Variants in ITGB6 observed in about 807,000 individuals in gnomAD.
ITGB6 encodes the protein integrin subunit beta 6, also known as integrin beta-6.
ITGB6 carries 80 observed loss-of-function variants against 84.5 expected under a neutral mutation model. That is an observed-to-expected ratio of 0.95 (90% CI 0.79 to 1.14). The LOEUF is 1.14. Among genes scored for constraint, ITGB6 ranks in the 50% most tolerant of loss-of-function variants. The probability of loss-of-function intolerance (pLI) is 0.00; values close to 1 mark genes in which losing one functional copy is unlikely to be tolerated. For missense variants in ITGB6, 1,006 were observed against 968.0 expected (o/e 1.04, Z -0.52); for synonymous variants, 383 against 354.9 (o/e 1.08, Z -0.89).
At chr2:160,120,767 T>C (rs1159342486) in intron 12 of ITGB6, among the ~76,000 whole-genome samples, 1 of 139,564 alleles carries the variant, frequency 7.2e-6, no homozygotes, top group East Asian at 2.1e-4. Context: ...TGTAGGGACA[T>C]GGATGAAACT....
intron 14 of ITGB6, 90 bp downstream of exon 14, chr2:160,107,589 C>T (rs6724949): frequency 2.6e-6 from 3 of 1,172,266 alleles, no homozygotes; most frequent in African/African-American, 3.1e-5. Context: ...GACATTTGAA[C>T]TCCCAGAGCA....
intron 10 of ITGB6, among the ~76,000 whole-genome samples, chr2:160,136,555 A>C (rs1291681246): frequency 6.6e-6 from 1 of 152,262 alleles, no homozygotes; most frequent in Non-Finnish European, 1.5e-5. Context: ...TACTGGGTAT[A>C]TACCCAAAGG....
intron 12 of ITGB6, among the ~76,000 whole-genome samples, chr2:160,121,535 A>T (rs2105794949): frequency 6.6e-6 from 1 of 152,304 alleles, no homozygotes; most frequent in African/African-American, 2.4e-5. Flanking sequence ...CTGTAATCCC[A>T]GCAATTTGGG....
intron 4 of ITGB6, among the ~76,000 whole-genome samples, chr2:160,182,760 C>A (rs149396134): frequency 6.6e-6 from 1 of 152,136 alleles, no homozygotes; most frequent in African/African-American, 2.4e-5. Context: ...GGGTTACCCA[C>A]GAAGAGAAGC....
chr2:160,182,426 T>G (rs1463931783), intron 4 of ITGB6, among the ~76,000 whole-genome samples: 1 of 152,070 alleles, frequency 6.6e-6, no homozygotes, highest in African/African-American at 2.4e-5. Context: ...AAATAAAGCA[T>G]GAAGACAAGA....
At chr2:160,122,835 A>T (rs1683095617) in intron 12 of ITGB6, among the ~76,000 whole-genome samples, 1 of 152,204 alleles carries the variant, frequency 6.6e-6, no homozygotes, top group African/African-American at 2.4e-5. Flanking sequence ...CTGGAAATGG[A>T]TTAATTTCCG....
intron 10 of ITGB6, among the ~76,000 whole-genome samples, chr2:160,136,585 T>C (rs1683734577): frequency 1.3e-5 from 2 of 152,218 alleles, no homozygotes; most frequent in Admixed American, 6.5e-5. Context: ...CATGCTGCTA[T>C]AAAGACACAT....
chr2:160,162,824 T>G (rs991289057), intron 7 of ITGB6, among the ~76,000 whole-genome samples: 1 of 152,206 alleles, frequency 6.6e-6, no homozygotes, highest in Non-Finnish European at 1.5e-5. Flanking sequence ...TTCGCCATGT[T>G]GGCTAGGCTG....
At chr2:160,136,648 A>C (rs902113088) in intron 10 of ITGB6, among the ~76,000 whole-genome samples, 3 of 152,216 alleles carry the variant, frequency 2.0e-5, no homozygotes, top group South Asian at 2.1e-4. Flanking sequence ...CTTGGAACCA[A>C]CCCAAATGTC....
chr2:160,185,820 C>T (rs1448971699), intron 4 of ITGB6, among the ~76,000 whole-genome samples: 2 of 152,126 alleles, frequency 1.3e-5, no homozygotes, highest in South Asian at 2.1e-4. Context: ...TAATGCCACA[C>T]ATCTACAACC....
In ITGB6 at chr2:160,199,183, T is replaced by C; in HGVS notation, c.137A>G (p.Gln46Arg). The C allele has an allele frequency of 6.2e-7, 1 of 1,613,570 alleles. No individual in the cohort carries two copies. The highest frequency in any genetic ancestry group is 8.5e-7 in the Non-Finnish European group (1 of 1,179,472). Reference protein sequence around the residue: ...LIGPQCAWCAQENFTHPSGVG... With the variant: ...LIGPQCAWCARENFTHPSGVG... ...CATTGAGGTCATTTATTTTACCTCC[T>C]GAGCACACCAGGCACACTGAGGTCC... Residue 46 changes from glutamine to arginine, a missense_variant, in exon 2 of 15, where the codon CAG becomes CGG. Coordinates refer to ENST00000283249, the MANE Select transcript of ITGB6 (RefSeq NM_000888.5).
chr2:160,169,707 A>C (rs542274840), intron 6 of ITGB6, among the ~76,000 whole-genome samples: 1 of 152,212 alleles, frequency 6.6e-6, no homozygotes, highest in Non-Finnish European at 1.5e-5. Context: ...TTGGACTATA[A>C]TATACATGAC....
intron 7 of ITGB6, among the ~76,000 whole-genome samples, chr2:160,144,834 G>T (rs1232213646): frequency 6.6e-6 from 1 of 152,162 alleles, no homozygotes; most frequent in East Asian, 1.9e-4. Context: ...ACCATTAATC[G>T]CTGACTTCCA....
chr2:160,124,005 C>A (rs1683142210), intron 11 of ITGB6, 117 bp from the exon 12 acceptor site: 2 of 640,980 alleles, frequency 3.1e-6, no homozygotes, highest in East Asian at 5.6e-5. Context: ...TCATAGATGT[C>A]ATTATCTTTT....
chr2:160,139,222 A>T (rs751032878), intron 8 of ITGB6, among the ~76,000 whole-genome samples: 1 of 152,218 alleles, frequency 6.6e-6, no homozygotes, highest in Non-Finnish European at 1.5e-5. Flanking sequence ...CAATTTAAAA[A>T]TATTATGAAT....
chr2:160,189,419 C>T lies in ITGB6; in HGVS notation c.593+5950G>A, dbSNP rs1686045105. On this transcript the variant is annotated intron_variant, in intron 4 of 14. Transcript: ENST00000283249. ...ACCACCATCGGAATGAACAGGCAACCTACAGAATGGGAGAAAATTTTCGCA... is the reference window on the plus strand; with the variant it reads ...ACCACCATCGGAATGAACAGGCAACTTACAGAATGGGAGAAAATTTTCGCA... 3.3e-5 allele frequency among the ~76,000 whole-genome samples: 5 copies of T among 152,196 alleles called. No homozygotes were observed. In the Middle Eastern group the frequency reaches 0.01, roughly 311 times the overall value.
chr2:160,109,752 C>T (rs1574034795), intron 13 of ITGB6, among the ~76,000 whole-genome samples: 2 of 152,320 alleles, frequency 1.3e-5, no homozygotes, highest in South Asian at 4.1e-4. Flanking sequence ...CAGGTTGGTG[C>T]AGCACCTACT....
rs1194307341 is a variant in ITGB6 at position 160,107,487 on chromosome 2, T to C, written c.2268+192A>G. On this transcript the variant is annotated intron_variant, in intron 14 of 14. Transcript: ENST00000283249. ...AATCCCCACCGCACTAAGACAAATA[T>C]AAGCTATGAGGGTCATCTGGACCTT... Among the ~76,000 whole-genome samples the C allele has an allele frequency of 3.3e-5, 5 of 151,990 alleles. No individual in the cohort carries two copies. The East Asian group carries it at 5.8e-4, about 18-fold the overall frequency.
chr2:160,121,496 ACT>A (rs1364591129), intron 12 of ITGB6, among the ~76,000 whole-genome samples: 1 of 152,162 alleles, frequency 6.6e-6, no homozygotes, highest in Non-Finnish European at 1.5e-5. Flanking sequence ...TAAAAATATG[ACT>A]CTCAAGCTGG....
Sources: allele counts gnomAD v4.1 joint callset (sites outside exome capture counted in the v4.1 genomes callset), GRCh38; gene constraint gnomAD v4.1.1; transcripts MANE v1.5; gene names NCBI Gene and HGNC (gene_info 2026-07-23, HGNC 2026-07-21).